DNAH9: variants seen among roughly 807,000 people sequenced by gnomAD.
The protein encoded by DNAH9 is DNAH9 variant protein.
A neutral mutation model predicts 471.6 loss-of-function variants in DNAH9; 345 were observed. The observed-to-expected ratio is 0.73, with a 90% CI of 0.67 to 0.80. The LOEUF (loss-of-function observed/expected upper bound fraction) is 0.80, where lower values mean the gene tolerates loss of function less well. Ranked by LOEUF, DNAH9 falls within the 30% of genes least tolerant of loss-of-function variation. The pLI is 0.00. For synonymous variants in DNAH9, 2,093 were observed against 2,123.6 expected, an observed-to-expected ratio of 0.99 and a Z score of 0.40; for missense variants, 5,407 against 5,609.2, an observed-to-expected ratio of 0.96 and a Z score of 1.15.
chr17:11,861,062 C>T (rs933575356), intron 50 of DNAH9, among the ~76,000 whole-genome samples: 1 of 146,702 alleles, frequency 6.8e-6, no homozygotes, highest in Non-Finnish European at 1.5e-5. Flanking sequence ...TTTTAGGGTA[C>T]ATGTGCACAA....
Position 11,783,627 on chromosome 17 carries a change from G to C in DNAH9, c.7719-19G>C. 1 of 1,603,514 alleles carries C rather than the reference G, an allele frequency of 6.2e-7. No homozygotes were observed. Among genetic ancestry groups the C allele is most frequent in the Non-Finnish European group, 8.5e-7 (1 of 1,171,060 alleles). On this transcript the variant is annotated intron_variant, in intron 39 of 68. Transcript: ENST00000262442. ...TCAGTCCTCAGACACCTTTCACCTAGAGCTTCTGACTGTTCCAGGTATGAT... is the reference window on the plus strand; with the variant it reads ...TCAGTCCTCAGACACCTTTCACCTACAGCTTCTGACTGTTCCAGGTATGAT...
intron 22 of DNAH9, 89 bp downstream of exon 22, chr17:11,694,536 C>G (rs2074394471): frequency 6.2e-6 from 9 of 1,442,716 alleles, no homozygotes; most frequent in Non-Finnish European, 8.7e-6. Flanking sequence ...CATGCCTCTT[C>G]TCTCTGGCAG....
At chr17:11,820,652 C>A (rs903612386) in intron 45 of DNAH9, among the ~76,000 whole-genome samples, 2 of 151,808 alleles carry the variant, frequency 1.3e-5, no homozygotes, top group Admixed American at 1.3e-4. Flanking sequence ...TGATTTTTTT[C>A]TTTATTTGTA....
intron 15 of DNAH9, among the ~76,000 whole-genome samples, chr17:11,665,726 G>T (rs2073854395): frequency 6.6e-6 from 1 of 152,204 alleles, no homozygotes; most frequent in East Asian, 1.9e-4. Context: ...ATAACCTATA[G>T]AAGGATTTGT....
chr17:11,750,366 AAATT>A (rs1433715848), intron 32 of DNAH9, among the ~76,000 whole-genome samples: 9 of 152,262 alleles, frequency 5.9e-5, no homozygotes, highest in African/African-American at 9.6e-5. Context: ...TTTATTTTCA[AAATT>A]AATTCCAGTA....
chr17:11,737,555 G>A (rs1188379957), intron 28 of DNAH9, among the ~76,000 whole-genome samples: 1 of 152,140 alleles, frequency 6.6e-6, no homozygotes, highest in Non-Finnish European at 1.5e-5. Flanking sequence ...TAGCCTGAAA[G>A]TGTGTCCCTT....
At chr17:11,910,167 A>G (rs1973745624) in intron 61 of DNAH9, among the ~76,000 whole-genome samples, 1 of 152,130 alleles carries the variant, frequency 6.6e-6, no homozygotes, top group South Asian at 2.1e-4. Context: ...AGGCAGGAGA[A>G]TGGCATGAAC....
intron 9 of DNAH9, among the ~76,000 whole-genome samples, chr17:11,637,771 AAAG>A (rs963317279): frequency 5.5e-4 from 68 of 124,078 alleles, no homozygotes; most frequent in East Asian, 5.4e-3. Context: ...AAAAGAAAAT[AAAG>A]AAGAAGAGAC....
chr17:11,835,567 A>T (rs181092191), intron 49 of DNAH9, among the ~76,000 whole-genome samples: 30 of 152,238 alleles, frequency 2.0e-4, no homozygotes, highest in African/African-American at 6.7e-4. Flanking sequence ...TCCCACTTGG[A>T]TAACCATGGT....
rs753748485 is a variant in DNAH9, at chr17:11,881,428, G to A, written c.10806+15G>A. 1.2e-6 allele frequency: 2 copies of A among 1,603,248 alleles called. No homozygotes were observed. Among genetic ancestry groups the A allele is most frequent in the South Asian group, 2.2e-5 (2 of 90,238 alleles). ...AGCAGCTGAAGGTGAGGACAGAAGG[G>A]AGAAAATGTTCTGCCACTAGAGCCT... On this transcript the variant is annotated intron_variant, in intron 55 of 68. Transcript: ENST00000262442.
intron 45 of DNAH9, among the ~76,000 whole-genome samples, chr17:11,817,086 G>A (rs536331544): frequency 2.6e-5 from 4 of 152,044 alleles, no homozygotes; most frequent in East Asian, 1.9e-4. Flanking sequence ...TAATGTTTCC[G>A]AACTTTAGGT....
intron 15 of DNAH9, among the ~76,000 whole-genome samples, chr17:11,668,652 C>T (rs1321986092): frequency 8.2e-6 from 1 of 122,682 alleles, no homozygotes; most frequent in African/African-American, 3.1e-5. Flanking sequence ...GTGACAGAGT[C>T]AGACTGCATC....
At chr17:11,668,777 A>G (rs1202207370) in intron 15 of DNAH9, among the ~76,000 whole-genome samples, 2 of 151,988 alleles carry the variant, frequency 1.3e-5, no homozygotes, top group East Asian at 1.9e-4. Context: ...ATCAGTCACT[A>G]GGATGTGCTC....
At position 11,923,801 on chromosome 17, in the gene DNAH9, A is replaced by G. The variant is rs1442284182; in HGVS notation, c.11750-13A>G. On this transcript the variant is annotated splice_polypyrimidine_tract_variant and intron_variant, in intron 61 of 68. Transcript: ENST00000262442. ...CACAAGAAATAATAATGACGCCTCC[A>G]TCCTCCTTTTAGGAAGAAAACTTGG... 6 of 1,613,318 alleles carry G rather than the reference A, an allele frequency of 3.7e-6. No individual in the cohort carries two copies. The highest frequency in any genetic ancestry group is 2.2e-5 in the South Asian group (2 of 91,026).
intron 1 of DNAH9, among the ~76,000 whole-genome samples, chr17:11,601,072 T>C (rs1052653763): frequency 1.3e-5 from 2 of 152,236 alleles, no homozygotes; most frequent in Non-Finnish European, 2.9e-5. Context: ...GACTGACTTA[T>C]GTCACTTAGC....
At chr17:11,684,754 G>T (rs2074207759) in intron 19 of DNAH9, among the ~76,000 whole-genome samples, 1 of 152,114 alleles carries the variant, frequency 6.6e-6, no homozygotes, top group South Asian at 2.1e-4. Flanking sequence ...TCTTCCATGG[G>T]GTGCTGTCCT....
intron 38 of DNAH9, among the ~76,000 whole-genome samples, chr17:11,770,786 C>G (rs1968176209): frequency 6.6e-6 from 1 of 152,206 alleles, no homozygotes; most frequent in African/African-American, 2.4e-5. Flanking sequence ...ACAAGCATGA[C>G]ATACTTTTAA....
chr17:11,835,095 C>T (rs1469971646), intron 49 of DNAH9, among the ~76,000 whole-genome samples, 197 bp downstream of exon 49: 2 of 152,170 alleles, frequency 1.3e-5, no homozygotes, highest in Non-Finnish European at 2.9e-5. Context: ...AATGAAATCC[C>T]GGAGATGGGA....
chr17:11,834,780 AG>A lies in DNAH9; in HGVS notation c.9390del (p.Lys3131ArgfsTer7). 6.2e-7 allele frequency: 1 copy of A among 1,614,160 alleles called. No individual in the cohort carries two copies. Among genetic ancestry groups the A allele is most frequent in the Non-Finnish European group, 8.5e-7 (1 of 1,180,034 alleles). The stretch of plus-strand genomic sequence containing the variant: ...AAAGCCATGGCAGATGAAGAGGAGC[AG>A]AAGGTGGCCGTCATCATGCTAGAGG... ...REKAMADEEEQKVAVIMLEVK... is the reference protein window; with the variant it reads ...REKAMADEEEXKVAVIMLEVK... On this transcript the variant is annotated frameshift_variant, in exon 49 of 69. Transcript: ENST00000262442. LOFTEE classifies it high-confidence loss of function.
Sources: allele counts gnomAD v4.1 joint callset (sites outside exome capture counted in the v4.1 genomes callset), GRCh38; gene constraint gnomAD v4.1.1; transcripts MANE v1.5; gene names NCBI Gene and HGNC (gene_info 2026-07-23, HGNC 2026-07-21).